SH2D4A: variants seen among roughly 807,000 people sequenced by gnomAD.
The protein encoded by SH2D4A is SH2 domain-containing protein 4A.
SH2D4A carries 70 observed loss-of-function variants against 64.7 expected under a neutral mutation model. That is an observed-to-expected ratio of 1.08 (90% CI 0.89 to 1.32). SH2D4A has a LOEUF of 1.32. SH2D4A is among the 40% of genes most tolerant of loss of function. The pLI, the probability that SH2D4A is intolerant of heterozygous loss-of-function variation, is 0.00. For synonymous variants in SH2D4A, 268 were observed against 200.7 expected, an observed-to-expected ratio of 1.34 and a Z score of -2.83; for missense variants, 706 against 540.1, an observed-to-expected ratio of 1.31 and a Z score of -3.04.
At chr8:19,381,494 T>C (rs1353191397) in intron 8 of SH2D4A, among the ~76,000 whole-genome samples, 1 of 152,248 alleles carries the variant, frequency 6.6e-6, no homozygotes, top group Non-Finnish European at 1.5e-5. Context: ...CAACTGATTT[T>C]TGTGTGTTGT....
intron 4 of SH2D4A, among the ~76,000 whole-genome samples, chr8:19,339,779 G>A (rs1370792660): frequency 6.6e-6 from 1 of 152,114 alleles, no homozygotes; most frequent in Non-Finnish European, 1.5e-5. Context: ...GGGATTACAG[G>A]TGTAAGCCAC....
chr8:19,362,414 G>A (rs758010078), intron 6 of SH2D4A, among the ~76,000 whole-genome samples: 10 of 152,074 alleles, frequency 6.6e-5, no homozygotes, highest in Non-Finnish European at 1.2e-4. Flanking sequence ...GTAGTCATGC[G>A]CTGTATGATG....
intron 1 of SH2D4A, among the ~76,000 whole-genome samples, chr8:19,318,559 T>C (rs1321087860): frequency 6.6e-6 from 1 of 152,226 alleles, no homozygotes; most frequent in East Asian, 1.9e-4. Context: ...GTCATATAAA[T>C]GAAGGATCCT....
rs539706104 is a variant in SH2D4A, at chr8:19,371,780, C to T, written c.918-1750C>T. Reference sequence around the variant, plus strand: ...TTTCTTTTTTATCTCTGTGTATTTTCAAATAGCCTGTCTTCTGGCTCACTA... The same window carrying T: ...TTTCTTTTTTATCTCTGTGTATTTTTAAATAGCCTGTCTTCTGGCTCACTA... On this transcript the variant is annotated intron_variant, in intron 7 of 9. Transcript: ENST00000265807. Among the ~76,000 whole-genome samples, 25 of 152,276 alleles carry T rather than the reference C, an allele frequency of 1.6e-4. No homozygotes were observed. The South Asian group carries it at 5.0e-3, about 30-fold the overall frequency.
rs1176400609 is a variant in SH2D4A, at chr8:19,383,269, G to C, written c.1048+9609G>C. The stretch of plus-strand genomic sequence containing the variant: ...TTGTTCTTTCTGTTCCTCAAACTCA[G>C]TAACATCCATTGTCCTATCTTCAAG... On this transcript the variant is annotated intron_variant, in intron 8 of 9. Transcript: ENST00000265807. 2.0e-5 allele frequency among the ~76,000 whole-genome samples: 3 copies of C among 151,960 alleles called. No individual in the cohort carries two copies. In the South Asian group the frequency reaches 6.2e-4, roughly 32 times the overall value.
chr8:19,338,446 G>A (rs990786217), intron 4 of SH2D4A, among the ~76,000 whole-genome samples: 3 of 152,224 alleles, frequency 2.0e-5, no homozygotes, highest in African/African-American at 4.8e-5. Context: ...GGTTAAGGAC[G>A]TTGAGATGGA....
At chr8:19,330,103 A>G (rs1022369155) in intron 2 of SH2D4A, among the ~76,000 whole-genome samples, 3 of 152,176 alleles carry the variant, frequency 2.0e-5, no homozygotes, top group Non-Finnish European at 4.4e-5. Flanking sequence ...CACCTGCAGC[A>G]TCTAGCTCTA....
chr8:19,314,029 GGGTGTCCGGTGTCCGGTGTCC>G lies in SH2D4A; in HGVS notation c.-205+220_-205+240del, dbSNP rs35550040. The stretch of plus-strand genomic sequence containing the variant: ...GTTGGGCGGCGAGAGCGGCCGCGGC[GGGTGTCCGGTGTCCGGTGTCC>G]GGTGTCCGGTGTCTGGAGCCGCTGG... On this transcript the variant is annotated intron_variant, in intron 1 of 9. Coordinates refer to ENST00000265807, the MANE Select transcript of SH2D4A (RefSeq NM_022071.4). 3.3e-5 allele frequency: 38 copies of G among 1,138,374 alleles called. 1 individual carries two copies. Among genetic ancestry groups the G allele is most frequent in the South Asian group, 8.2e-5 (2 of 24,384 alleles). The allele number at this position is 1,138,374 out of a possible 1,614,324, so 70.5% of individuals were successfully genotyped here.
rs528173743 is a variant in SH2D4A at position 19,358,599 on chromosome 8, G to C, written c.594+1316G>C. On this transcript the variant is annotated intron_variant, in intron 5 of 9. Transcript: ENST00000265807. Reference sequence around the variant, plus strand: ...GGAACAGCAAGTCAAAGACACAGAGGCACTACCTCACTTGGCATGGTGGGG... The same window carrying C: ...GGAACAGCAAGTCAAAGACACAGAGCCACTACCTCACTTGGCATGGTGGGG... Among the ~76,000 whole-genome samples, 14 of 152,240 alleles carry C rather than the reference G, an allele frequency of 9.2e-5. No individual in the cohort carries two copies. The East Asian group carries it at 2.1e-3, about 23-fold the overall frequency.
At chr8:19,318,867 T>C (rs527667780) in intron 1 of SH2D4A, among the ~76,000 whole-genome samples, 1 of 152,368 alleles carries the variant, frequency 6.6e-6, no homozygotes, top group Admixed American at 6.5e-5. Context: ...TTTTCTTCCT[T>C]GAGCATGGCT....
intron 3 of SH2D4A, among the ~76,000 whole-genome samples, chr8:19,333,732 A>T (rs903213449): frequency 6.6e-6 from 1 of 152,146 alleles, no homozygotes; most frequent in Non-Finnish European, 1.5e-5. Context: ...TAAGGTACAA[A>T]CAGAAAGTTT....
At chr8:19,393,097 C>T (rs1181445484) in intron 8 of SH2D4A, among the ~76,000 whole-genome samples, 1 of 152,142 alleles carries the variant, frequency 6.6e-6, no homozygotes, top group East Asian at 1.9e-4. Context: ...TACCTCTATA[C>T]ATGATTTTTA....
intron 4 of SH2D4A, among the ~76,000 whole-genome samples, chr8:19,353,209 A>G (rs996730599): frequency 3.9e-5 from 6 of 152,094 alleles, no homozygotes; most frequent in African/African-American, 1.2e-4. Context: ...TTCCTGGGTC[A>G]TAGCAGCATA....
In SH2D4A at chr8:19,325,120, T is replaced by C. The variant is rs528045346; in HGVS notation, c.181+5392T>C. ...TGGTCCTGCCTTTTACTCTCTATGA[T>C]GATGGGTGGTATTGCTCTGTTCCCA... On this transcript the variant is annotated intron_variant, in intron 2 of 9. Transcript: ENST00000265807. Among the ~76,000 whole-genome samples the C allele has an allele frequency of 3.3e-5, 5 of 152,260 alleles. No individual in the cohort carries two copies. In the South Asian group the frequency reaches 8.3e-4, roughly 25 times the overall value.
chr8:19,348,602 G>A (rs1358896639), intron 4 of SH2D4A, among the ~76,000 whole-genome samples: 3 of 152,178 alleles, frequency 2.0e-5, no homozygotes, highest in Non-Finnish European at 2.9e-5. Flanking sequence ...TAAAAGGAGA[G>A]ATTCAGAAGA....
chr8:19,392,382 A>C (rs557686396), intron 8 of SH2D4A, among the ~76,000 whole-genome samples: 2 of 152,246 alleles, frequency 1.3e-5, no homozygotes, highest in African/African-American at 4.8e-5. Context: ...TTTCAGCACT[A>C]CTGCTATCTG....
chr8:19,379,676 C>T (rs2053258167), intron 8 of SH2D4A, among the ~76,000 whole-genome samples: 1 of 152,162 alleles, frequency 6.6e-6, no homozygotes, highest in Non-Finnish European at 1.5e-5. Context: ...ACCTTCCCAC[C>T]AGCAGTGCAC....
Position 19,373,332 on chromosome 8 carries a change from CCA to C in SH2D4A, c.918-189_918-188del, listed in dbSNP as rs2053135628. Among the ~76,000 whole-genome samples, 5 of 147,570 alleles carry C rather than the reference CCA, an allele frequency of 3.4e-5. 1 individual carries two copies. The South Asian group carries it at 1.1e-3, about 32-fold the overall frequency. On this transcript the variant is annotated intron_variant, in intron 7 of 9. Transcript: ENST00000265807. The stretch of plus-strand genomic sequence containing the variant: ...TCCCATTCTCTCTCTCCCCCCACCC[CCA>C]CACACACATGTGTATATATATATAT...
At chr8:19,329,878 C>T (rs2052343422) in intron 2 of SH2D4A, among the ~76,000 whole-genome samples, 1 of 152,176 alleles carries the variant, frequency 6.6e-6, no homozygotes. Flanking sequence ...AGTAATTAAA[C>T]TCTTTCTTTT....
Sources: allele counts gnomAD v4.1 joint callset (sites outside exome capture counted in the v4.1 genomes callset), GRCh38; gene constraint gnomAD v4.1.1; transcripts MANE v1.5; gene names NCBI Gene and HGNC (gene_info 2026-07-23, HGNC 2026-07-21).